RCN3: variants seen among roughly 807,000 people sequenced by gnomAD.
The protein encoded by RCN3 is reticulocalbin-3.
In RCN3, 41 loss-of-function variants were observed where a neutral mutation model predicts 35.9. The observed-to-expected ratio is 1.14, with a 90% CI of 0.89 to 1.48. RCN3 has a LOEUF of 1.48. Among genes scored for constraint, RCN3 ranks in the 40% most tolerant of loss-of-function variants. The probability of loss-of-function intolerance (pLI) is 0.00; values close to 1 mark genes in which losing one functional copy is unlikely to be tolerated. For missense variants in RCN3, 451 were observed against 471.3 expected, an observed-to-expected ratio of 0.96 and a Z score of 0.40; for synonymous variants, 187 against 193.4, an observed-to-expected ratio of 0.97 and a Z score of 0.27.
intron 2 of RCN3, 47 bp from the exon 3 acceptor site, chr19:49,534,145 GC>G (rs1885618704): frequency 8.3e-6 from 12 of 1,439,294 alleles, no homozygotes; most frequent in Non-Finnish European, 1.1e-5. Context: ...GAGGGGCGGG[GC>G]CTGGGGGCGG....
chr19:49,537,923 G>A (rs2080144295), intron 4 of RCN3, among the ~76,000 whole-genome samples: 1 of 151,880 alleles, frequency 6.6e-6, no homozygotes, highest in African/African-American at 2.4e-5. Context: ...ACAGGCATGA[G>A]CCACCGTGCC....
In RCN3 at chr19:49,534,432, C is replaced by T. The variant is rs747100804; in HGVS notation, c.445+37C>T. On this transcript the variant is annotated intron_variant, in intron 3 of 6. Coordinates refer to ENST00000270645, the MANE Select transcript of RCN3 (RefSeq NM_020650.3). ...GCCCCCGACCCTGCTCCCCATACAC[C>T]GTGACCCTGACCTTCTGGACCGCCT... is the stretch of plus-strand genomic sequence containing the variant. The T allele has an allele frequency of 1.5e-5, 23 of 1,529,610 alleles. No individual in the cohort carries two copies. In the South Asian group the frequency reaches 2.5e-4, roughly 17 times the overall value. 94.8% of individuals were successfully genotyped at this position (1,529,610 alleles called of 1,614,324 possible).
At position 49,530,240 on chromosome 19, in the gene RCN3, A is replaced by C. The variant is rs1441866383; in HGVS notation, c.242+1526A>C. Among the ~76,000 whole-genome samples the C allele has an allele frequency of 2.0e-5, 3 of 149,762 alleles. No individual in the cohort carries two copies. The East Asian group carries it at 5.9e-4, about 29-fold the overall frequency. On this transcript the variant is annotated intron_variant, in intron 2 of 6. Transcript: ENST00000270645. ...CAGTGGCGTGATCTCAGCTCATGCA[A>C]CCTCTGCCTCCCAGGTTCAAGCAAT...
Position 49,532,037 on chromosome 19 carries a change from G to A in RCN3, c.243-2156G>A, listed in dbSNP as rs548258542. Among the ~76,000 whole-genome samples the A allele has an allele frequency of 2.4e-3, 355 of 150,310 alleles. 1 individual carries two copies. Among genetic ancestry groups the A allele is most frequent in the Middle Eastern group, 3.5e-3 (1 of 286 alleles). On this transcript the variant is annotated intron_variant, in intron 2 of 6. Transcript: ENST00000270645. ...AGGATGGTCTAGATCTGCTGACCTC[G>A]TGATCCACCCACCTCGGCCTCCCAA...
At position 49,528,563 on chromosome 19, in the gene RCN3, C is replaced by A; in HGVS notation, c.91C>A (p.Gln31Lys). ...KPSPDAGPHG[Q>K]GRVHQAAPLS... ...ATCCCCAGACGCAGGCCCTCATGGC[C>A]AGGGGAGGGTGCACCAGGCGGCCCC... is the stretch of plus-strand genomic sequence containing the variant. The change falls in exon 2 of 7, where the codon CAG becomes AAG. Residue 31 changes from glutamine to lysine, a missense_variant. Gln to Lys is a moderately conservative substitution (Grantham distance 53, BLOSUM62 1). Transcript: ENST00000270645. The A allele has an allele frequency of 6.2e-7, 1 of 1,601,760 alleles. No individual in the cohort carries two copies. Among genetic ancestry groups the A allele is most frequent in the Non-Finnish European group, 8.5e-7 (1 of 1,174,696 alleles).
At chr19:49,538,757 AG>A (rs2080148990) in intron 4 of RCN3, among the ~76,000 whole-genome samples, 1 of 152,208 alleles carries the variant, frequency 6.6e-6, no homozygotes, top group African/African-American at 2.4e-5. Context: ...AAGCAGAGGT[AG>A]GTTCTAGGCT....
intron 4 of RCN3, among the ~76,000 whole-genome samples, chr19:49,537,945 T>C (rs1325325693): frequency 1.3e-5 from 2 of 151,352 alleles, no homozygotes; most frequent in African/African-American, 2.4e-5. Flanking sequence ...GGCCCCAAAA[T>C]GTGCTTTGTT....
At chr19:49,531,412 G>T (rs190479968) in intron 2 of RCN3, among the ~76,000 whole-genome samples, 26 of 152,310 alleles carry the variant, frequency 1.7e-4, no homozygotes, top group Non-Finnish European at 2.9e-5. Context: ...CATGCAAAGG[G>T]GGTCAGATCA....
intron 4 of RCN3, 118 bp downstream of exon 4, chr19:49,537,323 C>A: frequency 9.4e-7 from 1 of 1,069,516 alleles, no homozygotes; most frequent in Non-Finnish European, 1.3e-6. Flanking sequence ...TCTCCAGCAT[C>A]TTGCCGGGGA....
rs1161368689 is a variant in RCN3, at chr19:49,543,148, A to G, written c.922A>G (p.Met308Val). 1 of 1,614,132 alleles carries G rather than the reference A, an allele frequency of 6.2e-7. No homozygotes were observed. The highest frequency in any genetic ancestry group is 8.5e-7 in the Non-Finnish European group (1 of 1,180,018). Residue 308 changes from methionine to valine, a missense_variant, in exon 7 of 7, where the codon ATG becomes GTG. Transcript: ENST00000270645. ...SKAEILGNWN[M>V]FVGSQATNYG... Reference sequence around the variant, plus strand: ...AGCGGAAATCCTGGGTAATTGGAACATGTTTGTGGGCAGTCAGGCCACCAA... The same window carrying G: ...AGCGGAAATCCTGGGTAATTGGAACGTGTTTGTGGGCAGTCAGGCCACCAA...
Position 49,528,705 on chromosome 19 carries a change from C to A in RCN3, c.233C>A (p.Ala78Asp). The change falls in exon 2 of 7, where the codon GCC becomes GAC. Residue 78 changes from alanine (A) to aspartate (D), a missense_variant. Coordinates refer to ENST00000270645, the MANE Select transcript of RCN3 (RefSeq NM_020650.3). The part of the protein sequence containing the change: ...FDQLTPEESQ[A>D]RLGRIVDRMD... ...CAACTCACCCCAGAGGAAAGCCAGGCCCGTCTGGGGTAAGAGAGACATTCG... is the reference window on the plus strand; with the variant it reads ...CAACTCACCCCAGAGGAAAGCCAGGACCGTCTGGGGTAAGAGAGACATTCG... 2 of 1,592,194 alleles carry A rather than the reference C, an allele frequency of 1.3e-6. No individual in the cohort carries two copies. Among genetic ancestry groups the A allele is most frequent in the South Asian group, 1.1e-5 (1 of 88,176 alleles).
chr19:49,533,666 G>A (rs999637665), intron 2 of RCN3, among the ~76,000 whole-genome samples: 1 of 151,688 alleles, frequency 6.6e-6, no homozygotes, highest in African/African-American at 2.4e-5. Context: ...CAGGGCTGGA[G>A]GGAGAGGAGC....
At chr19:49,532,002 C>A (rs546724778) in intron 2 of RCN3, among the ~76,000 whole-genome samples, 1 of 150,604 alleles carries the variant, frequency 6.6e-6, no homozygotes, top group Non-Finnish European at 1.5e-5. Context: ...GGGGTTTCGC[C>A]GTGTTAGCCA....
At chr19:49,538,329 A>AT (rs759783862) in intron 4 of RCN3, among the ~76,000 whole-genome samples, 171 of 137,438 alleles carry the variant, frequency 1.2e-3, no homozygotes, top group East Asian at 5.3e-3. Flanking sequence ...TGCCCGGCTA[A>AT]TTTTTTTTTT....
intron 3 of RCN3, among the ~76,000 whole-genome samples, chr19:49,536,012 G>A (rs1412326727): frequency 6.8e-6 from 1 of 146,504 alleles, no homozygotes; most frequent in African/African-American, 2.5e-5. Context: ...TTGTGAGGGA[G>A]TTTTGCTCTT....
intron 4 of RCN3, among the ~76,000 whole-genome samples, chr19:49,537,765 C>T (rs1357105157): frequency 2.0e-5 from 3 of 151,972 alleles, no homozygotes; most frequent in African/African-American, 7.2e-5. Flanking sequence ...TCCCAAAGTG[C>T]TAGGATTATA....
At chr19:49,530,501 T>C (rs1453069096) in intron 2 of RCN3, among the ~76,000 whole-genome samples, 2 of 147,796 alleles carry the variant, frequency 1.4e-5, no homozygotes, top group African/African-American at 5.0e-5. Flanking sequence ...TTTTTTCTTT[T>C]TTTTTTTTTT....
At chr19:49,528,182 A>G in intron 1 of RCN3, 124 bp downstream of exon 1, 1 of 378,172 alleles carries the variant, frequency 2.6e-6, no homozygotes, top group Non-Finnish European at 4.7e-6. Flanking sequence ...TATGCCCTGC[A>G]CCTTGCGTGG....
At chr19:49,542,796 T>C in intron 6 of RCN3, 44 bp downstream of exon 6, 6 of 1,520,042 alleles carry the variant, frequency 3.9e-6, no homozygotes, top group East Asian at 2.4e-5. Flanking sequence ...CGGGTGGGCA[T>C]TGCGGGCCAG....
Sources: gnomAD v4.1 joint callset for allele counts (sites outside exome capture counted in the v4.1 genomes callset) on GRCh38, gnomAD v4.1.1 for gene constraint, MANE v1.5 for transcripts, NCBI Gene and HGNC (gene_info 2026-07-23, HGNC 2026-07-21) for gene names.